The following GNG7 variants were observed in gnomAD, a reference collection of about 807,000 sequenced individuals.
The protein encoded by GNG7 is G protein subunit gamma 7, also known as guanine nucleotide-binding protein G(I)/G(S)/G(O) subunit gamma-7.
In GNG7, 1 loss-of-function variant was observed where a neutral mutation model predicts 4.0. That is an observed-to-expected ratio of 0.25 (90% CI 0.09 to 1.18). The LOEUF (loss-of-function observed/expected upper bound fraction) is 1.18, where lower values mean the gene tolerates loss of function less well. GNG7 is among the 50% of genes most tolerant of loss of function. GNG7 has a pLI of 0.50. For missense variants in GNG7, 86 were observed against 91.9 expected, an observed-to-expected ratio of 0.94 and a Z score of 0.26; for synonymous variants, 34 against 36.9, an observed-to-expected ratio of 0.92 and a Z score of 0.29.
At position 2,564,712 on chromosome 19, in the gene GNG7, C is replaced by T. The variant is rs376891071; in HGVS notation, c.-77-9524G>A. ...AGAGCCCCCAGAAGCTGGGAGAGGC[C>T]GGAAGGACCCTGCCCCTGGAGTCTC... On this transcript the variant is annotated intron_variant, in intron 2 of 4. Transcript: ENST00000382159. Among the ~76,000 whole-genome samples the T allele has an allele frequency of 2.6e-4, 39 of 152,198 alleles. No individual in the cohort carries two copies. The South Asian group carries it at 7.3e-3, about 28-fold the overall frequency.
chr19:2,601,952 G>A (rs1981211789), intron 2 of GNG7, among the ~76,000 whole-genome samples: 1 of 151,934 alleles, frequency 6.6e-6, no homozygotes, highest in Non-Finnish European at 1.5e-5. Flanking sequence ...GAGGAGAGGG[G>A]AGGAGAGCAG....
intron 3 of GNG7, among the ~76,000 whole-genome samples, chr19:2,553,911 G>A (rs891278963): frequency 1.7e-4 from 24 of 139,056 alleles, no homozygotes; most frequent in Non-Finnish European, 3.1e-4. Context: ...ACATACATGT[G>A]CATATTGCAT....
At chr19:2,597,335 G>A (rs934614372) in intron 2 of GNG7, among the ~76,000 whole-genome samples, 6 of 152,078 alleles carry the variant, frequency 3.9e-5, no homozygotes, top group African/African-American at 7.2e-5. Context: ...AGTGGCTCAC[G>A]CCTGTAATCC....
intron 1 of GNG7, among the ~76,000 whole-genome samples, chr19:2,692,167 G>A (rs1599464810): frequency 1.3e-5 from 2 of 152,320 alleles, no homozygotes; most frequent in Admixed American, 1.3e-4. Context: ...CCTACAACTG[G>A]GTACTGCCAA....
intron 3 of GNG7, among the ~76,000 whole-genome samples, chr19:2,543,941 C>T (rs1321213031): frequency 6.6e-6 from 1 of 152,122 alleles, no homozygotes; most frequent in Non-Finnish European, 1.5e-5. Context: ...CTTTATAGCT[C>T]GCAGAGCTCC....
chr19:2,693,415 C>CAAAAA (rs146155053), intron 1 of GNG7, among the ~76,000 whole-genome samples: 2 of 80,328 alleles, frequency 2.5e-5, no homozygotes, highest in African/African-American at 5.7e-5. Context: ...GACTCTGCCT[C>CAAAAA]AAAAAAAAAA....
rs1373902184 is a variant in GNG7 at position 2,512,316 on chromosome 19, G to A, written c.*2706C>T. On this transcript the variant is annotated 3_prime_UTR_variant, in exon 5 of 5. Coordinates refer to ENST00000382159, the MANE Select transcript of GNG7 (RefSeq NM_052847.3). The surrounding 1 kb of genome is among the most constrained non-coding windows in gnomAD (Gnocchi z 4.7). The stretch of plus-strand genomic sequence containing the variant: ...TGCACTCGGGTGCCACGTCTGCAAA[G>A]GTATTTTCCACAGTGTGGTCACTGA... 1.0e-6 allele frequency: 1 copy of A among 985,598 alleles called. No individual in the cohort carries two copies. The highest frequency in any genetic ancestry group is 1.1e-4 in the East Asian group (1 of 8,818). 61.1% of individuals were successfully genotyped at this position (985,598 alleles called of 1,614,324 possible).
chr19:2,550,790 A>C (rs183777132), intron 3 of GNG7, among the ~76,000 whole-genome samples: 32 of 152,234 alleles, frequency 2.1e-4, no homozygotes, highest in Non-Finnish European at 4.4e-5. Context: ...CCTGCTCCCC[A>C]GGGATCCTAG....
rs1981802017 is a variant in GNG7, at chr19:2,619,203, T to C, written c.-78+27021A>G. On this transcript the variant is annotated intron_variant, in intron 2 of 4. Transcript: ENST00000382159. The stretch of plus-strand genomic sequence containing the variant: ...GGAATAATCGTCAGGACCAGAGAGT[T>C]TGAGAACCTTTGTCCTAAGCCAGGG... Among the ~76,000 whole-genome samples, 3 of 152,170 alleles carry C rather than the reference T, an allele frequency of 2.0e-5. No homozygotes were observed. The South Asian group carries it at 6.2e-4, about 32-fold the overall frequency.
At chr19:2,685,148 A>G (rs1338403298) in intron 1 of GNG7, among the ~76,000 whole-genome samples, 2 of 151,304 alleles carry the variant, frequency 1.3e-5, no homozygotes, top group Non-Finnish European at 2.9e-5. Flanking sequence ...AAGAAAAAAG[A>G]AAATAAAGTA....
At chr19:2,686,251 G>A (rs558687064) in intron 1 of GNG7, among the ~76,000 whole-genome samples, 7 of 151,528 alleles carry the variant, frequency 4.6e-5, no homozygotes, top group African/African-American at 1.2e-4. Flanking sequence ...TCCGCCACCC[G>A]CGTTCAAGCG....
intron 1 of GNG7, among the ~76,000 whole-genome samples, chr19:2,684,370 C>T (rs1305042870): frequency 2.0e-5 from 3 of 151,462 alleles, no homozygotes; most frequent in Admixed American, 1.3e-4. Context: ...CTCTTGACCT[C>T]GTGATCCGCC....
At chr19:2,563,098 C>T (rs557999199) in intron 2 of GNG7, among the ~76,000 whole-genome samples, 1 of 152,090 alleles carries the variant, frequency 6.6e-6, no homozygotes, top group Admixed American at 6.6e-5. Context: ...GCGCCCACCA[C>T]CACGCCCAGC....
intron 1 of GNG7, among the ~76,000 whole-genome samples, chr19:2,688,624 G>A (rs561991813): frequency 2.6e-5 from 4 of 152,240 alleles, no homozygotes; most frequent in South Asian, 2.1e-4. Context: ...GAGAGGTAAC[G>A]AACATCTAAG....
intron 3 of GNG7, among the ~76,000 whole-genome samples, chr19:2,527,402 C>T (rs964759310): frequency 2.6e-5 from 4 of 152,188 alleles, no homozygotes. Context: ...TGGGTTCCTG[C>T]CTGGAGGCAT....
chr19:2,521,621 T>TG (rs1366426339), intron 3 of GNG7, among the ~76,000 whole-genome samples: 49 of 143,998 alleles, frequency 3.4e-4, no homozygotes, highest in Middle Eastern at 3.5e-3. Context: ...TGTTTTTTTT[T>TG]TTTTTTTTTT....
chr19:2,623,122 G>A (rs758955963), intron 2 of GNG7, among the ~76,000 whole-genome samples: 1 of 152,198 alleles, frequency 6.6e-6, no homozygotes, highest in Non-Finnish European at 1.5e-5. Context: ...AACAAACGGG[G>A]TGTTCCAAGC....
chr19:2,607,484 G>A lies in GNG7; in HGVS notation c.-78+38740C>T, dbSNP rs1181082318. Among the ~76,000 whole-genome samples the A allele has an allele frequency of 5.6e-5, 8 of 143,802 alleles. No individual in the cohort carries two copies. In the South Asian group the frequency reaches 1.7e-3, roughly 31 times the overall value. 94.3% of individuals were successfully genotyped at this position (143,802 alleles called of 152,430 possible). A position where few individuals can be genotyped will look rare whatever the true frequency, so the allele number is the denominator to read the frequency against. Reference sequence around the variant, plus strand: ...GCAGAGGTTGCAGTGAGCCGAGATCGCACCATTGCACTCCAGCCTGGGCGA... The same window carrying A: ...GCAGAGGTTGCAGTGAGCCGAGATCACACCATTGCACTCCAGCCTGGGCGA... On this transcript the variant is annotated intron_variant, in intron 2 of 4. Transcript: ENST00000382159.
chr19:2,655,589 A>G (rs1488339959), intron 1 of GNG7, among the ~76,000 whole-genome samples: 1 of 152,036 alleles, frequency 6.6e-6, no homozygotes, highest in Non-Finnish European at 1.5e-5. Flanking sequence ...CTGTAATCTT[A>G]GCACTTTGGG....
Sources: allele counts gnomAD v4.1 joint callset (sites outside exome capture counted in the v4.1 genomes callset), GRCh38; gene constraint gnomAD v4.1.1; non-coding constraint Gnocchi (gnomAD v3.1); transcripts MANE v1.5; gene names NCBI Gene and HGNC (gene_info 2026-07-23, HGNC 2026-07-21).